ZPLD1: variants seen among roughly 807,000 people sequenced by gnomAD.
ZPLD1 encodes the protein zona pellucida like domain containing 1, also known as zona pellucida-like domain-containing protein 1.
In ZPLD1, 34 loss-of-function variants were observed where a neutral mutation model predicts 47.2. The ratio of observed to expected loss-of-function variants is 0.72; its 90% CI spans 0.55 to 0.96. ZPLD1 has a LOEUF of 0.96. ZPLD1 is among the 40% of genes least tolerant of loss of function. The probability of loss-of-function intolerance (pLI) is 0.00; values close to 1 mark genes in which losing one functional copy is unlikely to be tolerated. For missense variants in ZPLD1, 512 were observed against 505.8 expected (o/e 1.01, Z -0.12); for synonymous variants, 176 against 186.2 (o/e 0.95, Z 0.45).
At chr3:102,440,915 G>C (rs1707167052) in intron 3 of ZPLD1, among the ~76,000 whole-genome samples, 1 of 152,088 alleles carries the variant, frequency 6.6e-6, no homozygotes, top group Non-Finnish European at 1.5e-5. Context: ...AATGAGAAAA[G>C]AAAATACCGA....
chr3:102,389,830 CAG>C (rs1231138092), intron 6 of ZPLD1, among the ~76,000 whole-genome samples: 2 of 152,106 alleles, frequency 1.3e-5, no homozygotes, highest in African/African-American at 4.8e-5. Flanking sequence ...GCTAATGCAA[CAG>C]AGAGTTAATG....
At chr3:102,420,230 T>G (rs947405909) in intron 8 of ZPLD1, among the ~76,000 whole-genome samples, 1 of 151,964 alleles carries the variant, frequency 6.6e-6, no homozygotes, top group African/African-American at 2.4e-5. Flanking sequence ...GGTTTTTTAT[T>G]GCTAATGGAA....
Position 102,477,599 on chromosome 3 carries a change from G to T in ZPLD1, c.1229G>T (p.Arg410Ile). The T allele has an allele frequency of 6.2e-7, 1 of 1,612,882 alleles. No individual in the cohort carries two copies. Residue 410 changes from arginine (R) to isoleucine (I), a missense_variant, in exon 12 of 12, where the codon AGA becomes ATA. Coordinates refer to ENST00000466937, the MANE Select transcript of ZPLD1 (RefSeq NM_001329788.2). ...GPTSLVLNGIRNPVFD is the reference protein window; with the variant it reads ...GPTSLVLNGIINPVFD ...ACAAGTTTAGTGTTGAATGGCATAA[G>T]AAACCCAGTCTTTGACTGACTATAA...
At chr3:102,388,677 A>G (rs1336572079) in intron 6 of ZPLD1, among the ~76,000 whole-genome samples, 1 of 152,134 alleles carries the variant, frequency 6.6e-6, no homozygotes, top group East Asian at 1.9e-4. Flanking sequence ...TAATATATTT[A>G]AAAATAAAGC....
intron 3 of ZPLD1, among the ~76,000 whole-genome samples, chr3:102,446,224 C>A (rs749235556): frequency 1.3e-5 from 2 of 152,182 alleles, no homozygotes; most frequent in Non-Finnish European, 2.9e-5. Flanking sequence ...TATCCACTCT[C>A]CGATATAATG....
At chr3:102,462,472 G>T (rs1707523860) in intron 7 of ZPLD1, 94 bp downstream of exon 7, 3 of 765,030 alleles carry the variant, frequency 3.9e-6, no homozygotes, top group Admixed American at 3.0e-5. Flanking sequence ...TTTAAATTCA[G>T]TTTGAAAATA....
At chr3:102,461,333 T>C (rs981229133) in intron 6 of ZPLD1, among the ~76,000 whole-genome samples, 3 of 151,980 alleles carry the variant, frequency 2.0e-5, no homozygotes, top group Non-Finnish European at 2.9e-5. Flanking sequence ...GGTTTGTTTT[T>C]TGCACTCTAT....
chr3:102,453,163 G>A (rs1707365198), intron 4 of ZPLD1, 24 bp downstream of exon 4: 2 of 1,600,266 alleles, frequency 1.2e-6, no homozygotes, highest in Middle Eastern at 1.7e-4. Context: ...GACATTGTGT[G>A]CTAGGTCTGG....
chr3:102,462,488 A>G (rs2107346983), intron 7 of ZPLD1, 110 bp downstream of exon 7: 1 of 648,464 alleles, frequency 1.5e-6, no homozygotes. Flanking sequence ...AAATATTATC[A>G]TTGCCACACC....
chr3:102,463,667 A>G (rs902807227), intron 7 of ZPLD1, among the ~76,000 whole-genome samples: 2 of 152,146 alleles, frequency 1.3e-5, no homozygotes, highest in African/African-American at 4.8e-5. Flanking sequence ...TGAAATAAGC[A>G]GGATGGAATA....
chr3:102,403,730 A>T (rs957138793), intron 7 of ZPLD1, among the ~76,000 whole-genome samples: 2 of 151,892 alleles, frequency 1.3e-5, no homozygotes, highest in African/African-American at 4.8e-5. Context: ...TCACATAGGT[A>T]TGGTTGAGTG....
chr3:102,404,883 C>A lies in ZPLD1; in HGVS notation c.-157+12658C>A, dbSNP rs191474256. Reference sequence around the variant, plus strand: ...AGTGGTTTACTGGGACACAAGGTTACGTATTATATAACAGAAAAGCCATAT... The same window carrying A: ...AGTGGTTTACTGGGACACAAGGTTAAGTATTATATAACAGAAAAGCCATAT... On this transcript the variant is annotated intron_variant, in intron 7 of 17. Transcript: ENST00000491959. Among the ~76,000 whole-genome samples the A allele has an allele frequency of 1.1e-4, 16 of 151,992 alleles. No individual in the cohort carries two copies. In the East Asian group the frequency reaches 3.1e-3, roughly 30 times the overall value.
chr3:102,457,890 A>G, intron 6 of ZPLD1, 37 bp downstream of exon 6: 1 of 1,605,794 alleles, frequency 6.2e-7, no homozygotes, highest in African/African-American at 1.3e-5. Flanking sequence ...TTTCTCTTTC[A>G]CTGTTGTGAG....
Position 102,453,138 on chromosome 3 carries a change from T to C in ZPLD1, c.326T>C (p.Val109Ala). ...TTGGAGGGCTGTGGAAACAACCTGG[T>C]GGTAAGATTAGTGTGACATTGTGTG... Reference protein sequence around the residue: ...STLEGCGNNLVVSTIPGVSAY... With the variant: ...STLEGCGNNLAVSTIPGVSAY... Residue 109 changes from valine (V) to alanine (A), a missense_variant and splice_region_variant, in exon 4 of 12, where the codon GTG becomes GCG. Val to Ala is a moderately conservative substitution (Grantham distance 64, BLOSUM62 0). Transcript: ENST00000466937. 1 of 1,613,698 alleles carries C rather than the reference T, an allele frequency of 6.2e-7. No homozygotes were observed. Among genetic ancestry groups the C allele is most frequent in the Non-Finnish European group, 8.5e-7 (1 of 1,179,704 alleles).
chr3:102,449,504 G>A (rs1707305161), intron 3 of ZPLD1, among the ~76,000 whole-genome samples: 2 of 152,150 alleles, frequency 1.3e-5, no homozygotes, highest in Non-Finnish European at 2.9e-5. Context: ...GCCGTTATGA[G>A]TAGTGTAAAG....
At chr3:102,472,050 G>A (rs1245836982) in intron 10 of ZPLD1, among the ~76,000 whole-genome samples, 1 of 152,198 alleles carries the variant, frequency 6.6e-6, no homozygotes, top group Non-Finnish European at 1.5e-5. Flanking sequence ...TCAGCAAAAA[G>A]TGGTTTTGGC....
chr3:102,439,164 T>G (rs1459393429), intron 3 of ZPLD1, among the ~76,000 whole-genome samples: 1 of 152,236 alleles, frequency 6.6e-6, no homozygotes, highest in African/African-American at 2.4e-5. Flanking sequence ...AGGTTTTACC[T>G]AGGTATTCAT....
Position 102,418,908 on chromosome 3 carries a change from G to A in ZPLD1, c.-9+701G>A, listed in dbSNP as rs76785951. 5.7e-3 allele frequency among the ~76,000 whole-genome samples: 862 copies of A among 152,026 alleles called. 5 individuals carry two copies. Among genetic ancestry groups the A allele is most frequent in the African/African-American group, 0.02 (813 of 41,492 alleles). ...GAAACACTGTGATTTCCATTTCTTG[G>A]GTGATCTCTAAGTTTCCTTCCATTC... On this transcript the variant is annotated intron_variant, in intron 8 of 17. Coordinates refer to the ZPLD1 transcript ENST00000491959.
chr3:102,445,579 A>G (rs139324557), intron 3 of ZPLD1, among the ~76,000 whole-genome samples: 229 of 152,350 alleles, frequency 1.5e-3, no homozygotes, highest in Admixed American at 2.9e-3. Flanking sequence ...AAGAAATGCC[A>G]AAACTCAGGC....
Sources: allele counts gnomAD v4.1 joint callset (sites outside exome capture counted in the v4.1 genomes callset), GRCh38; gene constraint gnomAD v4.1.1; transcripts MANE v1.5; gene names NCBI Gene and HGNC (gene_info 2026-07-23, HGNC 2026-07-21).